KLHL29: variants seen among roughly 807,000 people sequenced by gnomAD.
KLHL29 encodes kelch-like protein 29.
A neutral mutation model predicts 80.4 loss-of-function variants in KLHL29; 21 were observed. The ratio of observed to expected loss-of-function variants is 0.26; its 90% CI spans 0.19 to 0.38. The LOEUF (loss-of-function observed/expected upper bound fraction) is 0.38, where lower values mean the gene tolerates loss of function less well. KLHL29 is among the 10% of genes least tolerant of loss of function. The pLI is 1.00. For synonymous variants in KLHL29, 511 were observed against 526.8 expected (o/e 0.97, Z 0.41); for missense variants, 867 against 1,223.9 (o/e 0.71, Z 4.35).
chr2:23,389,444 T>G (rs1465221259), intron 1 of KLHL29, among the ~76,000 whole-genome samples: 1 of 152,214 alleles, frequency 6.6e-6, no homozygotes, highest in South Asian at 2.1e-4. Context: ...TAACCAACTT[T>G]GTGATTCTGT....
rs1168139112 is a variant in KLHL29, at chr2:23,695,062, T to G, written c.1543-561T>G. On this transcript the variant is annotated intron_variant, in intron 8 of 13. Coordinates refer to ENST00000486442, the MANE Select transcript of KLHL29 (RefSeq NM_052920.2). The surrounding 1 kb of genome is among the most constrained non-coding windows in gnomAD (Gnocchi z 7.6). ...TTAGGAGGGGAGATTCAAGGGAGCC[T>G]GTAAAACCACCTCAGTGCAGGGTGA... Among the ~76,000 whole-genome samples the G allele has an allele frequency of 9.9e-5, 15 of 152,132 alleles. No individual in the cohort carries two copies. Among genetic ancestry groups the G allele is most frequent in the Admixed American group, 7.9e-4 (12 of 15,282 alleles).
chr2:23,699,208 T>G (rs1019098710), intron 11 of KLHL29, among the ~76,000 whole-genome samples: 1 of 152,196 alleles, frequency 6.6e-6, no homozygotes, highest in Non-Finnish European at 1.5e-5. Context: ...GGCTCTGGGC[T>G]GTGACTGAGT....
intron 7 of KLHL29, 81 bp downstream of exon 7, chr2:23,691,957 G>A (rs886371302): frequency 1.9e-5 from 27 of 1,399,530 alleles, no homozygotes; most frequent in Middle Eastern, 1.8e-4. Context: ...AGGACTGAGC[G>A]GGGAGGTCTG....
At chr2:23,430,473 C>T (rs989806726) in intron 1 of KLHL29, among the ~76,000 whole-genome samples, 2 of 152,174 alleles carry the variant, frequency 1.3e-5, no homozygotes, top group African/African-American at 4.8e-5. Context: ...CTTTGGAATT[C>T]ACAAACCTGC....
chr2:23,667,774 C>T (rs1670594294), intron 5 of KLHL29: 1 of 152,514 alleles, frequency 6.6e-6, no homozygotes, highest in African/African-American at 2.4e-5. Context: ...ATCTGAGGCA[C>T]ACGGTCATTT....
intron 1 of KLHL29, among the ~76,000 whole-genome samples, chr2:23,453,385 G>A (rs1029455950): frequency 2.0e-5 from 3 of 152,380 alleles, no homozygotes; most frequent in South Asian, 2.1e-4. Context: ...CCCTGAAGCT[G>A]TGGGACTTTG....
intron 11 of KLHL29, among the ~76,000 whole-genome samples, chr2:23,698,216 G>A (rs1053930879): frequency 6.6e-6 from 1 of 152,190 alleles, no homozygotes; most frequent in Non-Finnish European, 1.5e-5. Context: ...GGAACCCCAA[G>A]AGATGAAGGA....
chr2:23,595,671 TG>T (rs1011551823), intron 3 of KLHL29, among the ~76,000 whole-genome samples: 1 of 152,102 alleles, frequency 6.6e-6, no homozygotes. Context: ...CCTGGTCACT[TG>T]GGGGGCAGAG....
At chr2:23,633,792 T>TGTGTGTGTGTGTGTGTGTGTGTG (rs1190935622) in intron 3 of KLHL29, among the ~76,000 whole-genome samples, 13 of 151,782 alleles carry the variant, frequency 8.6e-5, no homozygotes, top group Non-Finnish European at 1.5e-4. Context: ...TGTGTGTGTG[T>TGTGTGTGTGTGTGTGTGTGTGTG]TTAATTTGAC....
At chr2:23,583,848 CTT>C (rs1417829911) in intron 3 of KLHL29, among the ~76,000 whole-genome samples, 1 of 152,222 alleles carries the variant, frequency 6.6e-6, no homozygotes, top group Non-Finnish European at 1.5e-5. Context: ...TTCTCACAGA[CTT>C]TAATTCAGAA....
At chr2:23,583,545 T>C (rs537409286) in intron 3 of KLHL29, among the ~76,000 whole-genome samples, 1 of 152,178 alleles carries the variant, frequency 6.6e-6, no homozygotes, top group Non-Finnish European at 1.5e-5. Context: ...GCTCTAGTAC[T>C]CCCATGTCCC....
intron 2 of KLHL29, chr2:23,524,458 T>C (rs769719349): frequency 6.0e-5 from 10 of 167,214 alleles, no homozygotes; most frequent in Non-Finnish European, 7.8e-5. Flanking sequence ...TGTTCATGGC[T>C]CACGGGTGGG....
chr2:23,466,362 C>A (rs1407605970), intron 1 of KLHL29, among the ~76,000 whole-genome samples: 1 of 152,110 alleles, frequency 6.6e-6, no homozygotes, highest in Non-Finnish European at 1.5e-5. Context: ...TTTTATCAAC[C>A]TTTAGATGCG....
intron 2 of KLHL29, among the ~76,000 whole-genome samples, chr2:23,483,850 C>G (rs994507052): frequency 2.0e-5 from 3 of 152,246 alleles, no homozygotes; most frequent in African/African-American, 7.2e-5. Context: ...AACCCAGGGG[C>G]CCTTCTTGTT....
chr2:23,390,593 T>A (rs1666295031), intron 1 of KLHL29, among the ~76,000 whole-genome samples: 1 of 152,034 alleles, frequency 6.6e-6, no homozygotes, highest in Non-Finnish European at 1.5e-5. Flanking sequence ...CACAAATATA[T>A]GTTCTGTCAC....
intron 3 of KLHL29, among the ~76,000 whole-genome samples, chr2:23,564,757 T>C (rs1012226614): frequency 6.6e-6 from 1 of 152,242 alleles, no homozygotes; most frequent in Non-Finnish European, 1.5e-5. Flanking sequence ...GGGTCTTTAC[T>C]GAGCAGGCAA....
chr2:23,467,735 C>G (rs151093049), intron 1 of KLHL29, among the ~76,000 whole-genome samples: 1 of 152,162 alleles, frequency 6.6e-6, no homozygotes. Context: ...GTTTACCAAT[C>G]GCTGGCTGCA....
intron 5 of KLHL29, among the ~76,000 whole-genome samples, chr2:23,651,872 T>C (rs1301554937): frequency 6.6e-6 from 1 of 152,162 alleles, no homozygotes; most frequent in Non-Finnish European, 1.5e-5. Flanking sequence ...TGTCTCTTCC[T>C]CTTCTTAGAA....
chr2:23,536,256 TTTTAC>T (rs1222923705), intron 2 of KLHL29, among the ~76,000 whole-genome samples: 1 of 152,076 alleles, frequency 6.6e-6, no homozygotes, highest in African/African-American at 2.4e-5. Context: ...GAGGGGTGAA[TTTTAC>T]TTTATCGCCC....
Sources: gnomAD v4.1 joint callset for allele counts (sites outside exome capture counted in the v4.1 genomes callset) on GRCh38, gnomAD v4.1.1 for gene constraint, Gnocchi (gnomAD v3.1) non-coding constraint, MANE v1.5 for transcripts, NCBI Gene and HGNC (gene_info 2026-07-23, HGNC 2026-07-21) for gene names.